Variants in RBPJ observed in about 807,000 individuals in gnomAD.
The protein encoded by RBPJ is recombining binding protein suppressor of hairless.
A neutral mutation model predicts 67.8 loss-of-function variants in RBPJ; 9 were observed. That is an observed-to-expected ratio of 0.13 (90% CI 0.08 to 0.23). The LOEUF is 0.23. Ranked by LOEUF, RBPJ falls within the 10% of genes least tolerant of loss-of-function variation. The pLI, the probability that RBPJ is intolerant of heterozygous loss-of-function variation, is 1.00. For missense variants in RBPJ, 305 were observed against 595.6 expected, an observed-to-expected ratio of 0.51 and a Z score of 5.08; for synonymous variants, 198 against 203.3, an observed-to-expected ratio of 0.97 and a Z score of 0.22.
At chr4:26,386,962 G>A (rs1329989728) in intron 2 of RBPJ, among the ~76,000 whole-genome samples, 1 of 151,922 alleles carries the variant, frequency 6.6e-6, no homozygotes, top group Non-Finnish European at 1.5e-5. Flanking sequence ...TGCGTTTTTA[G>A]CAGTTTATTT....
intron 1 of RBPJ, among the ~76,000 whole-genome samples, chr4:26,382,940 G>C (rs1393546750): frequency 6.6e-6 from 1 of 152,124 alleles, no homozygotes; most frequent in Non-Finnish European, 1.5e-5. Flanking sequence ...GTAACCATTA[G>C]CTTTAATGAG....
At chr4:26,254,129 C>G (rs1720214083) in intron 1 of RBPJ, among the ~76,000 whole-genome samples, 1 of 149,012 alleles carries the variant, frequency 6.7e-6, no homozygotes, top group African/African-American at 2.6e-5. Context: ...CCACATCATT[C>G]TGCACCTAAA....
intron 1 of RBPJ, among the ~76,000 whole-genome samples, chr4:26,171,628 T>C (rs1716588957): frequency 6.6e-6 from 1 of 152,188 alleles, no homozygotes; most frequent in Non-Finnish European, 1.5e-5. Context: ...AGAGGACACA[T>C]TTGAACAGGC....
chr4:26,222,137 C>G (rs1456616497), intron 1 of RBPJ, among the ~76,000 whole-genome samples: 1 of 152,200 alleles, frequency 6.6e-6, no homozygotes, highest in Non-Finnish European at 1.5e-5. Flanking sequence ...GTTGTAAAAT[C>G]TCAGAAATGT....
chr4:26,418,263 C>G (rs530682895), intron 4 of RBPJ, among the ~76,000 whole-genome samples: 1 of 152,102 alleles, frequency 6.6e-6, no homozygotes, highest in Admixed American at 6.5e-5. Flanking sequence ...TCTAGAATTC[C>G]GTTAGCTAAT....
chr4:26,343,956 G>A (rs1725847962), intron 1 of RBPJ, among the ~76,000 whole-genome samples: 1 of 151,770 alleles, frequency 6.6e-6, no homozygotes, highest in Admixed American at 6.6e-5. Context: ...TCACCATGTT[G>A]GCCAGGCTGG....
intron 1 of RBPJ, among the ~76,000 whole-genome samples, chr4:26,255,117 C>T (rs1414047997): frequency 2.0e-5 from 3 of 147,652 alleles, no homozygotes; most frequent in African/African-American, 5.1e-5. Context: ...TAGAATGTAA[C>T]ATCTAGGCCG....
intron 1 of RBPJ, among the ~76,000 whole-genome samples, chr4:26,177,258 T>C (rs933659699): frequency 6.6e-6 from 1 of 152,168 alleles, no homozygotes; most frequent in Non-Finnish European, 1.5e-5. Context: ...TGAAGAGCAG[T>C]GAGGACCAAG....
rs1196601247 is a variant in RBPJ, at chr4:26,270,357, G to GA, written c.-166-92086dup. Among the ~76,000 whole-genome samples the GA allele has an allele frequency of 1.7e-3, 19 of 11,178 alleles. 1 individual carries two copies. The highest frequency in any genetic ancestry group is 8.5e-3 in the African/African-American group (18 of 2,110). 7.3% of individuals were successfully genotyped at this position (11,178 alleles called of 152,430 possible). ...GAGGGGAGGGAGGGAGAGAGCAAGAGAAAGAAAGAAAGAAAGAAAGAAAGA... is the reference window on the plus strand; with the variant it reads ...GAGGGGAGGGAGGGAGAGAGCAAGAGAAAAGAAAGAAAGAAAGAAAGAAAGA... On this transcript the variant is annotated intron_variant, in intron 1 of 4. Transcript: ENST00000512351.
intron 1 of RBPJ, among the ~76,000 whole-genome samples, chr4:26,325,879 A>G (rs535073379): frequency 6.6e-6 from 1 of 152,348 alleles, no homozygotes; most frequent in South Asian, 2.1e-4. Flanking sequence ...CTACCAGACT[A>G]CAGTTGGTGC....
chr4:26,318,686 C>T (rs898916816), upstream of RBPJ, among the ~76,000 whole-genome samples: 16 of 152,014 alleles, frequency 1.1e-4, no homozygotes, highest in African/African-American at 2.9e-4. Context: ...ACAGGGCCAG[C>T]GGGTAGATTA....
chr4:26,339,264 CTTGT>C (rs1725239234), intron 1 of RBPJ, among the ~76,000 whole-genome samples: 1 of 152,132 alleles, frequency 6.6e-6, no homozygotes, highest in South Asian at 2.1e-4. Flanking sequence ...GTAGTATTAC[CTTGT>C]TTTACAGAAA....
At chr4:26,109,708 CCT>C in the RBPJ span, among the ~76,000 whole-genome samples, 4,439 of 49,258 alleles carry the variant, frequency 0.09, 822 homozygotes, top group African/African-American at 0.24. Context: ...TGTCCACCTT[CCT>C]CTCTCTCTCT....
At chr4:26,420,435 C>T (rs1158574082) in intron 4 of RBPJ, 116 bp from the exon 5 acceptor site, 4 of 595,758 alleles carry the variant, frequency 6.7e-6, no homozygotes, top group East Asian at 3.2e-5. Flanking sequence ...TTGGTTTTAT[C>T]AGCTATCCCT....
chr4:26,171,618 A>G (rs974349320), intron 1 of RBPJ, among the ~76,000 whole-genome samples: 1 of 152,224 alleles, frequency 6.6e-6, no homozygotes, highest in East Asian at 1.9e-4. Context: ...ATTTTAAGGA[A>G]GAGGACACAT....
At chr4:26,333,625 A>G (rs1003386571) in intron 1 of RBPJ, among the ~76,000 whole-genome samples, 8 of 152,158 alleles carry the variant, frequency 5.3e-5, no homozygotes, top group Middle Eastern at 3.2e-3. Flanking sequence ...TTTGGGCTCA[A>G]GCATTCTTCC....
chr4:26,247,266 T>C (rs1262768137), intron 1 of RBPJ, among the ~76,000 whole-genome samples: 1 of 152,160 alleles, frequency 6.6e-6, no homozygotes, highest in East Asian at 1.9e-4. Context: ...TTATAAAGAA[T>C]TTTATTTTAA....
intron 1 of RBPJ, among the ~76,000 whole-genome samples, chr4:26,286,081 G>A (rs568509439): frequency 6.6e-6 from 1 of 152,286 alleles, no homozygotes; most frequent in Non-Finnish European, 1.5e-5. Flanking sequence ...CAGTCTGGGC[G>A]GCAGAGTGAA....
intron 1 of RBPJ, among the ~76,000 whole-genome samples, chr4:26,300,277 AT>A (rs1722033382): frequency 6.6e-6 from 1 of 152,038 alleles, no homozygotes; most frequent in African/African-American, 2.4e-5. Context: ...TTGATGATAA[AT>A]GTTAATAGTT....
Sources: gnomAD v4.1 joint callset for allele counts (sites outside exome capture counted in the v4.1 genomes callset) on GRCh38, gnomAD v4.1.1 for gene constraint, MANE v1.5 for transcripts, NCBI Gene and HGNC (gene_info 2026-07-23, HGNC 2026-07-21) for gene names.